PTPRK: variants seen among roughly 807,000 people sequenced by gnomAD.
PTPRK encodes protein tyrosine phosphatase receptor type K.
PTPRK carries 75 observed loss-of-function variants against 178.0 expected under a neutral mutation model. That is an observed-to-expected ratio of 0.42 (90% confidence interval 0.35 to 0.51). PTPRK has a LOEUF of 0.51. PTPRK is among the 20% of genes least tolerant of loss of function. PTPRK has a pLI of 0.02. For synonymous variants in PTPRK, 637 were observed against 620.6 expected (o/e 1.03, Z -0.39); for missense variants, 1,441 against 1,797.8 (o/e 0.80, Z 3.59).
intron 3 of PTPRK, 145 bp from the exon 4 acceptor site, chr6:128,242,747 C>A: frequency 1.6e-6 from 2 of 1,270,226 alleles, no homozygotes; most frequent in East Asian, 2.7e-5. Context: ...TAAGTAATTT[C>A]CTAACTCTTG....
At chr6:128,231,106 A>T (rs1343054760) in intron 5 of PTPRK, among the ~76,000 whole-genome samples, 1 of 152,242 alleles carries the variant, frequency 6.6e-6, no homozygotes, top group Admixed American at 6.5e-5. Flanking sequence ...TCTGATGCTC[A>T]TCATTACATA....
In PTPRK at chr6:128,005,219, C is replaced by A; in HGVS notation, c.2359G>T (p.Ala787Ser). ...KSKLAKKRKD[A>S]MGNTRQEMTH... The stretch of plus-strand genomic sequence containing the variant: ...ATCTCCTGCCGGGTATTCCCCATGG[C>A]ATCTTTGCGTTTTTTAGCAAGTTTG... The change falls in exon 15 of 30, where the codon GCC becomes TCC. Residue 787 changes from alanine to serine, a missense_variant. Coordinates refer to ENST00000368226, the MANE Select transcript of PTPRK (RefSeq NM_002844.4). 6.2e-7 allele frequency: 1 copy of A among 1,611,104 alleles called. No individual in the cohort carries two copies. The highest frequency in any genetic ancestry group is 8.5e-7 in the Non-Finnish European group (1 of 1,178,230).
intron 3 of PTPRK, among the ~76,000 whole-genome samples, chr6:128,269,745 T>A (rs1479447492): frequency 6.6e-6 from 1 of 152,022 alleles, no homozygotes; most frequent in Non-Finnish European, 1.5e-5. Flanking sequence ...GACAATGTAA[T>A]TCATCAGCTG....
intron 11 of PTPRK, among the ~76,000 whole-genome samples, chr6:128,070,473 G>A (rs1367821599): frequency 2.0e-5 from 3 of 152,008 alleles, no homozygotes; most frequent in Non-Finnish European, 2.9e-5. Context: ...CCAGAACTGT[G>A]AGAAATATTT....
At chr6:128,115,788 A>G (rs1791424481) in intron 7 of PTPRK, among the ~76,000 whole-genome samples, 1 of 152,140 alleles carries the variant, frequency 6.6e-6, no homozygotes, top group African/African-American at 2.4e-5. Flanking sequence ...ATTACAGTGA[A>G]CAAGTCTTAT....
At chr6:128,216,787 T>C (rs1809386971) in intron 6 of PTPRK, among the ~76,000 whole-genome samples, 1 of 151,014 alleles carries the variant, frequency 6.6e-6, no homozygotes, top group African/African-American at 2.5e-5. Flanking sequence ...GCAGAAAATG[T>C]TCGCATGAAA....
intron 3 of PTPRK, among the ~76,000 whole-genome samples, chr6:128,271,844 A>C (rs536591580): frequency 6.6e-6 from 1 of 152,078 alleles, no homozygotes; most frequent in East Asian, 1.9e-4. Flanking sequence ...GAGTTGGAAC[A>C]AGAGTTTTAC....
chr6:128,351,213 C>A (rs917832776), intron 2 of PTPRK, among the ~76,000 whole-genome samples: 8 of 152,102 alleles, frequency 5.3e-5, no homozygotes, highest in Non-Finnish European at 4.4e-5. Context: ...CATTACTGTG[C>A]CAAAATAAGC....
intron 13 of PTPRK, among the ~76,000 whole-genome samples, chr6:128,058,277 G>A (rs2114903655): frequency 6.6e-6 from 1 of 152,282 alleles, no homozygotes; most frequent in South Asian, 2.1e-4. Flanking sequence ...CCCACCAGCA[G>A]GATGGTAGGA....
intron 15 of PTPRK, among the ~76,000 whole-genome samples, chr6:128,000,506 A>G (rs1777703899): frequency 6.6e-6 from 1 of 151,866 alleles, no homozygotes. Flanking sequence ...TGACCTAACC[A>G]CTCAAGTGAA....
At chr6:128,035,400 G>T (rs959607031) in intron 13 of PTPRK, among the ~76,000 whole-genome samples, 1 of 145,346 alleles carries the variant, frequency 6.9e-6, no homozygotes, top group African/African-American at 2.8e-5. Flanking sequence ...TTACATTAAT[G>T]CTCTTTTTAT....
intron 15 of PTPRK, 123 bp downstream of exon 15, chr6:128,004,956 TTTCTC>T: frequency 1.3e-6 from 1 of 758,550 alleles, no homozygotes; most frequent in African/African-American, 1.8e-5. Flanking sequence ...TCTCCATCTC[TTTCTC>T]TTCTTTCTAG....
At chr6:128,182,087 G>A (rs1183728349) in intron 7 of PTPRK, among the ~76,000 whole-genome samples, 1 of 151,992 alleles carries the variant, frequency 6.6e-6, no homozygotes, top group African/African-American at 2.4e-5. Flanking sequence ...TAATAAACAT[G>A]TGATAAAAAT....
intron 2 of PTPRK, among the ~76,000 whole-genome samples, chr6:128,336,582 A>C (rs1372007596): frequency 6.6e-6 from 1 of 152,170 alleles, no homozygotes; most frequent in Non-Finnish European, 1.5e-5. Context: ...GCTTTCATTA[A>C]CATTCATAAG....
intron 3 of PTPRK, among the ~76,000 whole-genome samples, chr6:128,285,296 CCT>C (rs1401527312): frequency 6.6e-6 from 1 of 151,374 alleles, no homozygotes; most frequent in East Asian, 2.0e-4. Context: ...AGGCGGGTCA[CCT>C]GAGGTCAGGA....
intron 7 of PTPRK, among the ~76,000 whole-genome samples, chr6:128,149,530 C>T (rs1432722321): frequency 1.3e-5 from 2 of 151,922 alleles, no homozygotes; most frequent in African/African-American, 4.8e-5. Flanking sequence ...GCATATAGTC[C>T]AGTTCTAATC....
In PTPRK at chr6:128,214,287, C is replaced by T. The variant is rs191691152; in HGVS notation, c.868+4635G>A. Among the ~76,000 whole-genome samples the T allele has an allele frequency of 1.4e-4, 22 of 152,182 alleles. No individual in the cohort carries two copies. The East Asian group carries it at 3.1e-3, about 21-fold the overall frequency. On this transcript the variant is annotated intron_variant, in intron 6 of 29. Coordinates refer to ENST00000368226, the MANE Select transcript of PTPRK (RefSeq NM_002844.4). Reference sequence around the variant, plus strand: ...AGTTCACCATTGACCAAATAAGCTACGATCCTACTGATTACCTATGATTCA... The same window carrying T: ...AGTTCACCATTGACCAAATAAGCTATGATCCTACTGATTACCTATGATTCA...
chr6:128,413,039 AT>A (rs1402125582), intron 1 of PTPRK, among the ~76,000 whole-genome samples: 1 of 152,176 alleles, frequency 6.6e-6, no homozygotes, highest in Non-Finnish European at 1.5e-5. Flanking sequence ...TGTAATAAAT[AT>A]TTTTAACCTA....
At chr6:128,163,059 C>G (rs947052664) in intron 7 of PTPRK, among the ~76,000 whole-genome samples, 3 of 151,040 alleles carry the variant, frequency 2.0e-5, no homozygotes, top group Non-Finnish European at 4.4e-5. Context: ...ATACTTTTTT[C>G]CTACCAAGAA....
Sources: allele counts gnomAD v4.1 joint callset (sites outside exome capture counted in the v4.1 genomes callset), GRCh38; gene constraint gnomAD v4.1.1; transcripts MANE v1.5; gene names NCBI Gene and HGNC (gene_info 2026-07-23, HGNC 2026-07-21).